Variants in ALPK1 observed in about 807,000 individuals in gnomAD.
The protein encoded by ALPK1 is alpha-protein kinase 1.
In ALPK1, 110 loss-of-function variants were observed where a neutral mutation model predicts 120.6. The ratio of observed to expected loss-of-function variants is 0.91; its 90% CI spans 0.78 to 1.07. ALPK1 has a LOEUF of 1.07. Among genes scored for constraint, ALPK1 ranks in the 50% least tolerant of loss-of-function variants. The pLI is 0.00. For synonymous variants in ALPK1, 582 were observed against 560.3 expected (o/e 1.04, Z -0.55); for missense variants, 1,498 against 1,483.9 (o/e 1.01, Z -0.16).
At chr4:112,395,835 C>G (rs2148737429) in intron 4 of ALPK1, among the ~76,000 whole-genome samples, 1 of 115,902 alleles carries the variant, frequency 8.6e-6, no homozygotes, top group East Asian at 2.6e-4. Context: ...AAATGGTCAG[C>G]TATGATTACA....
intron 3 of ALPK1, among the ~76,000 whole-genome samples, chr4:112,378,517 A>G (rs910093132): frequency 6.6e-6 from 1 of 152,020 alleles, no homozygotes; most frequent in Admixed American, 6.6e-5. Context: ...AGTTTCCATC[A>G]CAAAGTCTAG....
At chr4:112,356,219 C>T in intron 2 of ALPK1, 1 of 1,586,390 alleles carries the variant, frequency 6.3e-7, no homozygotes, top group South Asian at 1.1e-5. Flanking sequence ...GACCAAGGTC[C>T]TGGAATGTCT....
chr4:112,341,349 A>G (rs1729854882), intron 2 of ALPK1, among the ~76,000 whole-genome samples: 2 of 152,072 alleles, frequency 1.3e-5, no homozygotes, highest in Admixed American at 6.6e-5. Context: ...CTTCCTGACA[A>G]TTTCCCCAAT....
At chr4:112,417,601 T>G (rs1171444687) in intron 5 of ALPK1, among the ~76,000 whole-genome samples, 1 of 152,070 alleles carries the variant, frequency 6.6e-6, no homozygotes, top group Admixed American at 6.6e-5. Context: ...TCCTCCCACT[T>G]TAGCCTTCCA....
At chr4:112,355,272 G>A (rs1458296353) in intron 2 of ALPK1, among the ~76,000 whole-genome samples, 1 of 152,130 alleles carries the variant, frequency 6.6e-6, no homozygotes, top group African/African-American at 2.4e-5. Flanking sequence ...GTTGTTGAAC[G>A]ATTTGTAAAA....
intron 2 of ALPK1, among the ~76,000 whole-genome samples, chr4:112,334,956 CTA>C (rs1389745770): frequency 1.3e-5 from 2 of 152,140 alleles, no homozygotes; most frequent in African/African-American, 4.8e-5. Flanking sequence ...TTCACAGTAC[CTA>C]TGTTAAGATC....
chr4:112,385,901 T>G (rs1466832012), intron 4 of ALPK1, among the ~76,000 whole-genome samples: 1 of 152,204 alleles, frequency 6.6e-6, no homozygotes, highest in Non-Finnish European at 1.5e-5. Flanking sequence ...TTTCTGTGAT[T>G]TTTTTACCTT....
chr4:112,308,784 C>T (rs1318832569), intron 1 of ALPK1, among the ~76,000 whole-genome samples: 1 of 152,030 alleles, frequency 6.6e-6, no homozygotes, highest in African/African-American at 2.4e-5. Context: ...TGTTCTGTTG[C>T]TGGAGAGGAG....
At chr4:112,359,023 G>T (rs111692825) in intron 2 of ALPK1, 6 of 765,178 alleles carry the variant, frequency 7.8e-6, no homozygotes, top group Admixed American at 1.7e-5. Flanking sequence ...TGTGGCTATC[G>T]GCCAGAGCAC....
chr4:112,366,480 C>G (rs1425199748), intron 2 of ALPK1, among the ~76,000 whole-genome samples: 1 of 152,070 alleles, frequency 6.6e-6, no homozygotes, highest in African/African-American at 2.4e-5. Flanking sequence ...CAGGAAAATG[C>G]AAATTTTAGC....
chr4:112,435,030 G>A (rs1180734760), intron 11 of ALPK1, 118 bp from the exon 12 acceptor site: 16 of 958,820 alleles, frequency 1.7e-5, no homozygotes, highest in African/African-American at 1.7e-4. Flanking sequence ...AGAGAAAAGT[G>A]TATAAAAAAG....
chr4:112,335,289 T>C (rs1363952566), intron 2 of ALPK1, among the ~76,000 whole-genome samples: 1 of 152,066 alleles, frequency 6.6e-6, no homozygotes, highest in Non-Finnish European at 1.5e-5. Context: ...AAAGATACTT[T>C]TTGAGTCAGG....
chr4:112,428,231 G>A (rs1001042240), intron 9 of ALPK1: 1 of 152,634 alleles, frequency 6.6e-6, no homozygotes. Flanking sequence ...ACTAACCTCT[G>A]CAGTTTACAC....
chr4:112,393,028 T>C (rs1468138951), intron 4 of ALPK1, among the ~76,000 whole-genome samples: 1 of 152,146 alleles, frequency 6.6e-6, no homozygotes, highest in East Asian at 1.9e-4. Context: ...TTTATGTCAG[T>C]CTCCTCAGGA....
chr4:112,433,783 A>C (rs1332741873), intron 11 of ALPK1, among the ~76,000 whole-genome samples: 1 of 152,208 alleles, frequency 6.6e-6, no homozygotes, highest in Non-Finnish European at 1.5e-5. Context: ...ATGGATCACT[A>C]AGCACTGGCT....
intron 2 of ALPK1, among the ~76,000 whole-genome samples, chr4:112,318,488 C>G (rs568168561): frequency 1.3e-5 from 2 of 152,312 alleles, no homozygotes; most frequent in South Asian, 2.1e-4. Context: ...AGCTCATATC[C>G]TTTTCACTTC....
At chr4:112,298,526 A>G (rs1165670935) in intron 1 of ALPK1, among the ~76,000 whole-genome samples, 1 of 152,152 alleles carries the variant, frequency 6.6e-6, no homozygotes, top group East Asian at 1.9e-4. Context: ...TATTCCCCAT[A>G]TCAAAGATCT....
intron 2 of ALPK1, among the ~76,000 whole-genome samples, chr4:112,377,292 T>C (rs921609779): frequency 2.0e-5 from 3 of 152,224 alleles, no homozygotes; most frequent in Non-Finnish European, 2.9e-5. Context: ...GTGTCTAATA[T>C]TAGAACTGCT....
chr4:112,422,666 A>G (rs530683606), intron 5 of ALPK1, among the ~76,000 whole-genome samples: 6 of 152,366 alleles, frequency 3.9e-5, no homozygotes, highest in African/African-American at 1.2e-4. Context: ...GTAATAATTC[A>G]TTCAGTCTCA....
Sources: gnomAD v4.1 joint callset for allele counts (sites outside exome capture counted in the v4.1 genomes callset) on GRCh38, gnomAD v4.1.1 for gene constraint, MANE v1.5 for transcripts, NCBI Gene and HGNC (gene_info 2026-07-23, HGNC 2026-07-21) for gene names.